Variants in CARS2 observed in about 807,000 individuals in gnomAD.
The protein encoded by CARS2 is cysteinyl-tRNA synthetase 2, mitochondrial.
CARS2 carries 52 observed loss-of-function variants against 68.8 expected under a neutral mutation model. The observed-to-expected ratio is 0.76, with a 90% CI of 0.61 to 0.95. The LOEUF (loss-of-function observed/expected upper bound fraction) is 0.95. CARS2 is among the 40% of genes least tolerant of loss of function. The probability of loss-of-function intolerance (pLI) is 0.00; values close to 1 mark genes in which losing one functional copy is unlikely to be tolerated. For synonymous variants in CARS2, 314 were observed against 303.6 expected (o/e 1.03, Z -0.36); for missense variants, 780 against 754.2 (o/e 1.03, Z -0.40).
rs1226742249 is a variant in CARS2 at position 110,670,721 on chromosome 13, T to C, written c.786-3248A>G. On this transcript the variant is annotated intron_variant, in intron 7 of 14. Coordinates refer to ENST00000257347, the MANE Select transcript of CARS2 (RefSeq NM_024537.4). The surrounding 1 kb of genome is among the most constrained non-coding windows in gnomAD (Gnocchi z 4.1). ...CTGGACAGAGAATGACTTTGATGAG[T>C]TGAGAGAAGAAGGCTTCAGACGATC... 6.6e-6 allele frequency among the ~76,000 whole-genome samples: 1 copy of C among 152,008 alleles called. No individual in the cohort carries two copies. The highest frequency in any genetic ancestry group is 1.5e-5 in the Non-Finnish European group (1 of 67,998).
intron 7 of CARS2, among the ~76,000 whole-genome samples, chr13:110,671,400 G>A (rs981070375): frequency 6.6e-6 from 1 of 152,106 alleles, no homozygotes; most frequent in Non-Finnish European, 1.5e-5. Flanking sequence ...AGAGAGTGGG[G>A]GCCAATATTC....
intron 6 of CARS2, among the ~76,000 whole-genome samples, chr13:110,681,088 C>T (rs907683588): frequency 6.6e-6 from 1 of 152,188 alleles, no homozygotes; most frequent in Non-Finnish European, 1.5e-5. Context: ...TTGGTAGAGA[C>T]AGCAAGGGGT....
At position 110,670,829 on chromosome 13, in the gene CARS2, G is replaced by A. The variant is rs935217127; in HGVS notation, c.786-3356C>T. Among the ~76,000 whole-genome samples, 3 of 152,106 alleles carry A rather than the reference G, an allele frequency of 2.0e-5. No homozygotes were observed. The highest frequency in any genetic ancestry group is 1.3e-4 in the Admixed American group (2 of 15,270). On this transcript the variant is annotated intron_variant, in intron 7 of 14. Coordinates refer to ENST00000257347, the MANE Select transcript of CARS2 (RefSeq NM_024537.4). This position sits in a 1 kb window ranked among gnomAD's most constrained non-coding sequence, Gnocchi z 4.1. The stretch of plus-strand genomic sequence containing the variant: ...TAAAAACCTTCAAAAAAGATTAGAC[G>A]AATGGCTAACCAGAATAAACAGCAT...
intron 1 of CARS2, among the ~76,000 whole-genome samples, chr13:110,711,572 A>T (rs1182488241): frequency 6.6e-6 from 1 of 152,242 alleles, no homozygotes; most frequent in Non-Finnish European, 1.5e-5. Flanking sequence ...TAGAAACTAA[A>T]GTACTCATTT....
At chr13:110,695,554 T>C (rs1312405237) in intron 3 of CARS2, among the ~76,000 whole-genome samples, 1 of 152,100 alleles carries the variant, frequency 6.6e-6, no homozygotes, top group East Asian at 1.9e-4. Context: ...AATGTGACAT[T>C]ATTCAGCCAT....
At chr13:110,690,425 T>C (rs1001427351) in intron 3 of CARS2, among the ~76,000 whole-genome samples, 6 of 152,300 alleles carry the variant, frequency 3.9e-5, no homozygotes, top group African/African-American at 1.4e-4. Context: ...CATCTTTTTC[T>C]TGGAATCCCC....
chr13:110,696,950 T>G (rs1325616357), intron 3 of CARS2, among the ~76,000 whole-genome samples: 1 of 152,110 alleles, frequency 6.6e-6, no homozygotes, highest in Non-Finnish European at 1.5e-5. Flanking sequence ...CCAAGTACAC[T>G]GTGTCCTCAC....
At chr13:110,675,662 A>T (rs527729131) in intron 7 of CARS2, among the ~76,000 whole-genome samples, 2 of 152,316 alleles carry the variant, frequency 1.3e-5, no homozygotes, top group African/African-American at 4.8e-5. Flanking sequence ...CAGATGTAAC[A>T]AACCTGCACA....
At chr13:110,673,513 G>A (rs1338462947) in intron 7 of CARS2, among the ~76,000 whole-genome samples, 1 of 152,098 alleles carries the variant, frequency 6.6e-6, no homozygotes, top group Non-Finnish European at 1.5e-5. Context: ...AAATTCAACA[G>A]CCCTTCATGC....
chr13:110,673,219 A>G (rs72609867), intron 7 of CARS2, among the ~76,000 whole-genome samples: 1 of 152,220 alleles, frequency 6.6e-6, no homozygotes, highest in Non-Finnish European at 1.5e-5. Flanking sequence ...TTAAGAGGCC[A>G]GCATCATCCT....
intron 2 of CARS2, among the ~76,000 whole-genome samples, chr13:110,701,883 C>T (rs922842154): frequency 6.6e-6 from 1 of 152,200 alleles, no homozygotes; most frequent in African/African-American, 2.4e-5. Flanking sequence ...CAGTTAAGAT[C>T]GTGTTTTCAC....
rs59276783 is a variant in CARS2 at position 110,649,931 on chromosome 13, C to CTTTTTTTT, written c.1054+1095_1054+1102dup. Among the ~76,000 whole-genome samples the CTTTTTTTT allele has an allele frequency of 1.1e-4, 8 of 73,182 alleles. 1 individual carries two copies. Among genetic ancestry groups the CTTTTTTTT allele is most frequent in the African/African-American group, 4.2e-4 (8 of 19,246 alleles). 48.0% of individuals were successfully genotyped at this position (73,182 alleles called of 152,430 possible). A position where few individuals can be genotyped will look rare whatever the true frequency, so the allele number is the denominator to read the frequency against. On this transcript the variant is annotated intron_variant, in intron 10 of 14. Transcript: ENST00000257347. ...CCAGGGATGCAGCTCTGGATAACGA[C>CTTTTTTTT]TTTTTTTTTTTTTTTTTTTTTTTTG...
chr13:110,683,189 T>C lies in CARS2; in HGVS notation c.572-55A>G, dbSNP rs551427437. On this transcript the variant is annotated intron_variant, in intron 5 of 14. Transcript: ENST00000257347. ...ACTTCTCAGTCTGAATATCAGCATA[T>C]TGACAACCTTAACATCTAACAAGTA... 5.6e-5 allele frequency: 68 copies of C among 1,221,228 alleles called. 2 individuals carry two copies. In the South Asian group the frequency reaches 9.7e-4, roughly 17 times the overall value. 75.6% of individuals were successfully genotyped at this position (1,221,228 alleles called of 1,614,324 possible).
chr13:110,675,419 G>A (rs558726335), intron 7 of CARS2, among the ~76,000 whole-genome samples: 4 of 152,314 alleles, frequency 2.6e-5, no homozygotes, highest in Admixed American at 1.3e-4. Flanking sequence ...GCACATGGAT[G>A]AAGCTGGAAA....
chr13:110,661,887 T>C (rs1295493218), intron 9 of CARS2, among the ~76,000 whole-genome samples: 1 of 152,198 alleles, frequency 6.6e-6, no homozygotes, highest in African/African-American at 2.4e-5. Flanking sequence ...CTTCCATGGA[T>C]GTGGTTCATG....
chr13:110,713,053 C>T (rs1168699283), intron 1 of CARS2: 7 of 1,463,494 alleles, frequency 4.8e-6, no homozygotes, highest in Non-Finnish European at 5.4e-6. Context: ...GCCGCCACTT[C>T]CGCCCGTGCC....
chr13:110,688,131 T>A (rs1442331011), intron 3 of CARS2, 113 bp from the exon 4 acceptor site: 5 of 613,480 alleles, frequency 8.2e-6, no homozygotes, highest in Non-Finnish European at 1.1e-5. Flanking sequence ...CCCGGCCACC[T>A]CCGGTGCCTC....
intron 3 of CARS2, among the ~76,000 whole-genome samples, chr13:110,691,943 C>T (rs1435201106): frequency 7.6e-6 from 1 of 131,272 alleles, no homozygotes; most frequent in East Asian, 2.3e-4. Context: ...CTGAATAATA[C>T]ATGCAATCTA....
Position 110,683,410 on chromosome 13 carries a change from C to T in CARS2, c.572-276G>A, listed in dbSNP as rs77989027. ...AGTAGGTGGGGCTATAGGAGTGACA[C>T]CATGCCTGGCTTAATATATTTGTTA... On this transcript the variant is annotated intron_variant, in intron 5 of 14. Transcript: ENST00000257347. Among the ~76,000 whole-genome samples, 308 of 152,272 alleles carry T rather than the reference C, an allele frequency of 2.0e-3. 1 individual carries two copies. The highest frequency in any genetic ancestry group is 7.1e-3 in the African/African-American group (296 of 41,558).
Sources: gnomAD v4.1 joint callset for allele counts (sites outside exome capture counted in the v4.1 genomes callset) on GRCh38, gnomAD v4.1.1 for gene constraint, Gnocchi (gnomAD v3.1) non-coding constraint, MANE v1.5 for transcripts, NCBI Gene and HGNC (gene_info 2026-07-23, HGNC 2026-07-21) for gene names.